The following CEP295 variants were observed in gnomAD, a reference collection of about 807,000 sequenced individuals.
The protein encoded by CEP295 is centrosomal protein 295, also known as centrosomal protein of 295 kDa.
CEP295 carries 190 observed loss-of-function variants against 291.6 expected under a neutral mutation model. That is an observed-to-expected ratio of 0.65 (90% CI 0.58 to 0.73). The LOEUF is 0.73. CEP295 is among the 30% of genes least tolerant of loss of function. The pLI, the probability that CEP295 is intolerant of heterozygous loss-of-function variation, is 0.00. For synonymous variants in CEP295, 993 were observed against 1,038.8 expected (o/e 0.96, Z 0.85); for missense variants, 2,863 against 2,949.4 (o/e 0.97, Z 0.68).
At position 93,679,419 on chromosome 11, in the gene CEP295, C is replaced by T; in HGVS notation, c.632C>T (p.Ala211Val). Reference sequence around the variant, plus strand: ...TTTTTGATTGACTGCTAGCCAGATGCTCGTTTGGCTGCTGAAGAGGAAGCT... The same window carrying T: ...TTTTTGATTGACTGCTAGCCAGATGTTCGTTTGGCTGCTGAAGAGGAAGCT... ...NRETDTKRPD[A>V]RLAAEEEAKR... Residue 211 changes from alanine (A) to valine (V), a missense_variant, in exon 7 of 30, where the codon GCT (alanine) becomes GTT (valine). Physicochemically the swap from Ala to Val is moderately conservative, Grantham distance 64. Transcript: ENST00000325212. 3.2e-6 allele frequency: 5 copies of T among 1,548,224 alleles called. No individual in the cohort carries two copies. Among genetic ancestry groups the T allele is most frequent in the Non-Finnish European group, 4.4e-6 (5 of 1,145,188 alleles).
intron 1 of CEP295, among the ~76,000 whole-genome samples, chr11:93,665,272 G>A (rs1031744317): frequency 3.9e-4 from 59 of 152,202 alleles, no homozygotes; most frequent in African/African-American, 1.4e-3. Flanking sequence ...GTTAATATCA[G>A]AATTACCTGA....
intron 5 of CEP295, among the ~76,000 whole-genome samples, chr11:93,675,337 AAC>A (rs1446246535): frequency 6.6e-6 from 1 of 152,178 alleles, no homozygotes; most frequent in Non-Finnish European, 1.5e-5. Flanking sequence ...AGATGAATAA[AAC>A]ACATTTAGTT....
Position 93,697,459 on chromosome 11 carries a change from C to T in CEP295, c.2547C>T (p.Ala849=). The change falls in exon 15 of 30, where the codon GCC becomes GCT. Residue 849 remains alanine (A), a synonymous_variant. Transcript: ENST00000325212. Reference sequence around the variant, plus strand: ...CAGCCCAGCAAGGTAATATGAAGGCCCTCCAAGAACAGTTAGACCTACAGA... The same window carrying T: ...CAGCCCAGCAAGGTAATATGAAGGCTCTCCAAGAACAGTTAGACCTACAGA... ...NITAQQGNMK[A]LQEQLDLQKK... 1 of 1,552,032 alleles carries T rather than the reference C, an allele frequency of 6.4e-7. No individual in the cohort carries two copies. The highest frequency in any genetic ancestry group is 1.2e-5 in the South Asian group (1 of 84,052).
At position 93,697,709 on chromosome 11, in the gene CEP295, C is replaced by G. The variant is rs1191280489; in HGVS notation, c.2797C>G (p.Gln933Glu). 4 of 1,551,556 alleles carry G rather than the reference C, an allele frequency of 2.6e-6. No homozygotes were observed. In the African/African-American group the frequency reaches 4.1e-5, roughly 16 times the overall value. ...SSDHHVISQL[Q>E]DKRLSLSQPI... ...AGACCATCATGTGATCTCACAACTTCAGGATAAGCGTTTGAGTCTTTCACA... is the reference window on the plus strand; with the variant it reads ...AGACCATCATGTGATCTCACAACTTGAGGATAAGCGTTTGAGTCTTTCACA... The change falls in exon 15 of 30, where the codon CAG becomes GAG. Residue 933 changes from glutamine (Q) to glutamate (E), a missense_variant. Around this residue, in one of 3 missense-constraint regions of CEP295, gnomAD observed 2,295 missense variants for 2,335.7 expected, o/e 0.98. Coordinates refer to ENST00000325212, the MANE Select transcript of CEP295 (RefSeq NM_033395.2).
rs1459431818 is a variant in CEP295 at position 93,727,493 on chromosome 11, C to T, written c.7017C>T (p.Ser2339=). ...GAACTTCAATTCAGGCACCATATTC[C>T]TTAACTACTCAAAATGAAAAATATT... ...EMGTSIQAPY[S]LTTQNEKYFE... The change falls in exon 24 of 30, where the codon TCC becomes TCT. Residue 2339 remains serine (S), a synonymous_variant. Transcript: ENST00000325212. The T allele has an allele frequency of 1.9e-6, 3 of 1,551,718 alleles. No homozygotes were observed. Among genetic ancestry groups the T allele is most frequent in the Non-Finnish European group, 1.7e-6 (2 of 1,147,014 alleles).
intron 25 of CEP295, 134 bp from the exon 26 acceptor site, chr11:93,729,300 G>A (rs772931258): frequency 8.8e-5 from 57 of 647,338 alleles, no homozygotes; most frequent in South Asian, 2.3e-4. Context: ...GCATGGTGGC[G>A]GGTCTCTGTA....
rs1405449852 is a variant in CEP295, at chr11:93,704,938, A to G, written c.5597-1807A>G. 2.0e-5 allele frequency among the ~76,000 whole-genome samples: 3 copies of G among 152,154 alleles called. No individual in the cohort carries two copies. The East Asian group carries it at 5.8e-4, about 29-fold the overall frequency. On this transcript the variant is annotated intron_variant, in intron 17 of 29. Transcript: ENST00000325212. ...ATAGTTGCAGTGGGTTTAAGCAAAA[A>G]TTAAGCTAAATTGTCATTATGGTGA...
intron 5 of CEP295, among the ~76,000 whole-genome samples, chr11:93,670,977 G>A (rs76391064): frequency 6.6e-6 from 1 of 152,056 alleles, no homozygotes; most frequent in African/African-American, 2.4e-5. Flanking sequence ...CTACCTCCTG[G>A]GTTCCAGCGA....
Position 93,699,167 on chromosome 11 carries a change from C to A in CEP295, c.4255C>A (p.Pro1419Thr). 6.4e-7 allele frequency: 1 copy of A among 1,551,850 alleles called. No individual in the cohort carries two copies. The highest frequency in any genetic ancestry group is 1.2e-5 in the South Asian group (1 of 84,048). The change falls in exon 15 of 30, where the codon CCA (proline) becomes ACA (threonine). Residue 1419 changes from proline (P) to threonine (T), a missense_variant. Coordinates refer to ENST00000325212, the MANE Select transcript of CEP295 (RefSeq NM_033395.2). ...PLNESERNQE[P>T]CSINSDNIVS... is the part of the protein sequence containing the mutation. Reference sequence around the variant, plus strand: ...TAATGAATCTGAAAGAAACCAAGAACCATGTTCAATTAACAGTGATAATAT... The same window carrying A: ...TAATGAATCTGAAAGAAACCAAGAAACATGTTCAATTAACAGTGATAATAT...
At chr11:93,725,937 C>T in intron 23 of CEP295, 106 bp downstream of exon 23, 1 of 803,528 alleles carries the variant, frequency 1.2e-6, no homozygotes. Flanking sequence ...CCCCTGCTCT[C>T]ACCCCTATCC....
chr11:93,727,677 C>CT (rs1425839150), intron 24 of CEP295, 40 bp downstream of exon 24: 1 of 1,446,884 alleles, frequency 6.9e-7, no homozygotes, highest in Admixed American at 2.8e-5. Flanking sequence ...ATTTAAATTC[C>CT]TTTTTGGGAA....
At position 93,729,886 on chromosome 11, in the gene CEP295, T is replaced by C. The variant is rs964460255; in HGVS notation, c.7584T>C (p.Arg2528=). The change falls in exon 28 of 30, where the codon CGT becomes CGC. Residue 2528 remains arginine (R), a synonymous_variant. Transcript: ENST00000325212. ...EKPSISSSVS[R]LKGVNKVRAS... ...TTTCCTCAGGTTCATCTGTGAGTCG[T>C]CTAAAGGGCGTGAATAAAGTCAGAG... The C allele has an allele frequency of 6.5e-7, 1 of 1,549,246 alleles. No individual in the cohort carries two copies. The highest frequency in any genetic ancestry group is 1.4e-5 in the African/African-American group (1 of 72,728).
rs1950138995 is a variant in CEP295 at position 93,664,877 on chromosome 11, T to C, written c.-26-1805T>C. On this transcript the variant is annotated intron_variant, in intron 1 of 29. Coordinates refer to ENST00000325212, the MANE Select transcript of CEP295 (RefSeq NM_033395.2). Reference sequence around the variant, plus strand: ...TAGTTATTTATTAAATTTAATTGAATATTAAAATTTTTATTAAAAAACCCA... The same window carrying C: ...TAGTTATTTATTAAATTTAATTGAACATTAAAATTTTTATTAAAAAACCCA... 3.9e-5 allele frequency among the ~76,000 whole-genome samples: 6 copies of C among 152,228 alleles called. No homozygotes were observed. The South Asian group carries it at 1.2e-3, about 31-fold the overall frequency.
rs1462694352 is a variant in CEP295, at chr11:93,706,682, G to A, written c.5597-63G>A. On this transcript the variant is annotated intron_variant, in intron 17 of 29. Transcript: ENST00000325212. ...AGATTTCTACCCATAATATAAATTGGCACTTTAGTTCTAGCTATTAATAGT... is the reference window on the plus strand; with the variant it reads ...AGATTTCTACCCATAATATAAATTGACACTTTAGTTCTAGCTATTAATAGT... 1.3e-5 allele frequency: 17 copies of A among 1,351,376 alleles called. No individual in the cohort carries two copies. The East Asian group carries it at 3.1e-4, about 25-fold the overall frequency. The allele number at this position is 1,351,376 out of a possible 1,614,324, so 83.7% of individuals were successfully genotyped here.
In CEP295 at chr11:93,703,918, G is replaced by A. The variant is rs562802043; in HGVS notation, c.5596+999G>A. On this transcript the variant is annotated intron_variant, in intron 17 of 29. Transcript: ENST00000325212. ...CGAGGAGCTGGAACTAGAGGCACCC[G>A]CCACCAAGCCCAGCTAATTTTTTTA... Among the ~76,000 whole-genome samples the A allele has an allele frequency of 8.1e-4, 123 of 151,852 alleles. 1 individual carries two copies. Among genetic ancestry groups the A allele is most frequent in the African/African-American group, 2.8e-3 (117 of 41,454 alleles).
In CEP295 at chr11:93,668,870, G is replaced by A; in HGVS notation, c.372G>A (p.Arg124=). Residue 124 remains arginine, a synonymous_variant, in exon 4 of 30, where the codon AGG becomes AGA. Coordinates refer to ENST00000325212, the MANE Select transcript of CEP295 (RefSeq NM_033395.2). ...AAAGGAAAAGAAAAGCAGATTTGAG[G>A]CATAAAGAAGCCTTGAAAGTACAGA... The part of the protein sequence containing the change: ...AAERKRKADL[R]HKEALKVQKN... The A allele has an allele frequency of 2.1e-6, 3 of 1,462,448 alleles. No individual in the cohort carries two copies. The highest frequency in any genetic ancestry group is 2.5e-5 in the East Asian group (1 of 40,236). 90.6% of individuals were successfully genotyped at this position (1,462,448 alleles called of 1,614,324 possible). A position where few individuals can be genotyped will look rare whatever the true frequency, so the allele number is the denominator to read the frequency against.
rs1590973132 is a variant in CEP295, at chr11:93,672,281, C to G, written c.528+2511C>G. On this transcript the variant is annotated intron_variant, in intron 5 of 29. Coordinates refer to ENST00000325212, the MANE Select transcript of CEP295 (RefSeq NM_033395.2). ...TATTAAAGTCTAGGAATGTAAACAA[C>G]CATAATCTTTTCATAGGTCTGTTAA... 2.0e-5 allele frequency among the ~76,000 whole-genome samples: 3 copies of G among 152,274 alleles called. No individual in the cohort carries two copies. In the Middle Eastern group the frequency reaches 0.01, roughly 518 times the overall value.
intron 19 of CEP295, chr11:93,721,728 G>A (rs1953739475): frequency 2.8e-6 from 2 of 721,064 alleles, no homozygotes; most frequent in East Asian, 5.3e-5. Context: ...AAAGATAACA[G>A]CTGTAGGAAT....
chr11:93,721,286 C>T, intron 18 of CEP295, 26 bp from the exon 19 acceptor site: 1 of 1,394,642 alleles, frequency 7.2e-7, no homozygotes, highest in South Asian at 1.2e-5. Flanking sequence ...TTTCTCCCAT[C>T]TTGAACTCCA....
Sources: allele counts gnomAD v4.1 joint callset (sites outside exome capture counted in the v4.1 genomes callset), GRCh38; gene constraint gnomAD v4.1.1; regional missense constraint gnomAD v4.1.1; transcripts MANE v1.5; gene names NCBI Gene and HGNC (gene_info 2026-07-23, HGNC 2026-07-21).